GATA3: variants seen among roughly 807,000 people sequenced by gnomAD.
GATA3 encodes the protein trans-acting T-cell-specific transcription factor GATA-3.
GATA3 carries 6 observed loss-of-function variants against 36.0 expected under a neutral mutation model. That is an observed-to-expected ratio of 0.17 (90% CI 0.09 to 0.33). The LOEUF is 0.33. Among genes scored for constraint, GATA3 ranks in the 10% least tolerant of loss-of-function variants. The pLI, the probability that GATA3 is intolerant of heterozygous loss-of-function variation, is 1.00. For missense variants in GATA3, 514 were observed against 610.1 expected, an observed-to-expected ratio of 0.84 and a Z score of 1.66; for synonymous variants, 326 against 273.0, an observed-to-expected ratio of 1.19 and a Z score of -1.92.
chr10:8,056,376 G>A (rs1832639602), intron 2 of GATA3, among the ~76,000 whole-genome samples: 1 of 152,234 alleles, frequency 6.6e-6, no homozygotes, highest in African/African-American at 2.4e-5. Flanking sequence ...GGGGTGGAGG[G>A]GGCCCTCTGC....
intron 4 of GATA3, among the ~76,000 whole-genome samples, chr10:8,068,757 C>T (rs539335951): frequency 9.9e-5 from 15 of 152,128 alleles, no homozygotes; most frequent in Admixed American, 2.0e-4. Flanking sequence ...CATCTCAAAA[C>T]GAGAAAAAAA....
upstream of GATA3, among the ~76,000 whole-genome samples, chr10:8,050,288 C>A (rs898984963): frequency 1.3e-5 from 2 of 152,200 alleles, no homozygotes; most frequent in Non-Finnish European, 2.9e-5. Context: ...TGGAGACACC[C>A]AATTAAAGGC....
chr10:8,063,188 C>T (rs548770008), intron 3 of GATA3, among the ~76,000 whole-genome samples: 41 of 152,290 alleles, frequency 2.7e-4, no homozygotes, highest in African/African-American at 9.6e-4. Context: ...TTCCTCTGAT[C>T]GGCTTCACTC....
rs2131500261 is a variant in GATA3, at chr10:8,063,986, T to C, written c.779-7T>C. The C allele has an allele frequency of 1.2e-6, 2 of 1,614,222 alleles. No individual in the cohort carries two copies. The highest frequency in any genetic ancestry group is 8.5e-7 in the Non-Finnish European group (1 of 1,180,038). On this transcript the variant is annotated splice_region_variant and splice_polypyrimidine_tract_variant and intron_variant, in intron 3 of 5. Transcript: ENST00000379328. ...CCTAAGTGGCTTATCTGTGCTTTTGTTTCCAGAAGGCAGGGAGTGTGTGAA... is the reference window on the plus strand; with the variant it reads ...CCTAAGTGGCTTATCTGTGCTTTTGCTTCCAGAAGGCAGGGAGTGTGTGAA...
intron 1 of GATA3, among the ~76,000 whole-genome samples, chr10:8,047,109 A>C (rs1394794364): frequency 1.3e-5 from 2 of 152,228 alleles, no homozygotes; most frequent in Non-Finnish European, 2.9e-5. Context: ...AGGTGGGGAC[A>C]GTCAGGGGCG....
At chr10:8,067,340 T>C (rs1160479073) in intron 4 of GATA3, among the ~76,000 whole-genome samples, 1 of 152,134 alleles carries the variant, frequency 6.6e-6, no homozygotes, top group African/African-American at 2.4e-5. Context: ...AAGAATTTTT[T>C]TAAAAAGGTC....
intron 5 of GATA3, 49 bp downstream of exon 5, chr10:8,069,647 C>T (rs1433836967): frequency 3.1e-6 from 5 of 1,609,498 alleles, no homozygotes. Flanking sequence ...CTGATGGTGA[C>T]CAGCAAACAG....
Position 8,058,631 on chromosome 10 carries a change from C to T in GATA3, c.568C>T (p.Leu190=), listed in dbSNP as rs778331735. 3.7e-6 allele frequency: 6 copies of T among 1,612,820 alleles called. No homozygotes were observed. Among genetic ancestry groups the T allele is most frequent in the Middle Eastern group, 3.3e-4 (2 of 6,060 alleles). Residue 190 remains leucine (L), a synonymous_variant, in exon 3 of 6, where the codon CTG becomes TTG. Coordinates refer to ENST00000379328, the MANE Select transcript of GATA3 (RefSeq NM_001002295.2). ...AGAGTGCCTCAAGTACCAGGTGCCC[C>T]TGCCCGACAGCATGAAGCTGGAGTC... The part of the protein sequence containing the change: ...EKECLKYQVP[L]PDSMKLESSH...
intron 4 of GATA3, among the ~76,000 whole-genome samples, chr10:8,065,853 C>A (rs571557318): frequency 3.1e-4 from 24 of 76,740 alleles, no homozygotes; most frequent in South Asian, 1.0e-3. Context: ...CGTATCAGAA[C>A]AAGAAGTGTT....
At position 8,056,868 on chromosome 10, in the gene GATA3, A is replaced by C. The variant is rs1832648469; in HGVS notation, c.241+972A>C. Among the ~76,000 whole-genome samples the C allele has an allele frequency of 2.6e-5, 4 of 152,218 alleles. No homozygotes were observed. The South Asian group carries it at 8.3e-4, about 32-fold the overall frequency. ...ACTTTCCAGCTCTAAGTTTGTTCCT[A>C]AAGAAGAAACAGGGGTAAAACATCG... On this transcript the variant is annotated intron_variant, in intron 2 of 5. Transcript: ENST00000379328.
chr10:8,069,330 C>G, intron 4 of GATA3, 143 bp from the exon 5 acceptor site: 1 of 862,396 alleles, frequency 1.2e-6, no homozygotes, highest in African/African-American at 1.7e-5. Flanking sequence ...ATCTGTATTA[C>G]TTTCATGTGG....
chr10:8,062,743 C>T (rs1456436465), intron 3 of GATA3, among the ~76,000 whole-genome samples: 1 of 152,148 alleles, frequency 6.6e-6, no homozygotes, highest in African/African-American at 2.4e-5. Flanking sequence ...CTCCGGGGTC[C>T]TCCTCTGGGC....
intron 1 of GATA3, among the ~76,000 whole-genome samples, chr10:8,048,336 G>A (rs1050910194): frequency 1.3e-5 from 2 of 152,206 alleles, no homozygotes; most frequent in African/African-American, 4.8e-5. Context: ...CACCTCACCC[G>A]GCAATGCTAA....
At chr10:8,067,754 C>T (rs911181611) in intron 4 of GATA3, among the ~76,000 whole-genome samples, 1 of 152,134 alleles carries the variant, frequency 6.6e-6, no homozygotes, top group Non-Finnish European at 1.5e-5. Flanking sequence ...GGAGGCGGAG[C>T]TTGCAGTGAG....
chr10:8,069,648 C>A (rs2131512682), intron 5 of GATA3, 50 bp downstream of exon 5: 1 of 1,606,318 alleles, frequency 6.2e-7, no homozygotes, highest in South Asian at 1.1e-5. Context: ...TGATGGTGAC[C>A]AGCAAACAGC....
At chr10:8,058,177 G>C in intron 2 of GATA3, 128 bp from the exon 3 acceptor site, 1 of 1,013,696 alleles carries the variant, frequency 9.9e-7, no homozygotes, top group Non-Finnish European at 1.5e-6. Flanking sequence ...GAGAGAGTGG[G>C]CCTGAGCCCG....
At chr10:8,061,089 C>CTCTCTCTCTCTT (rs754738004) in intron 3 of GATA3, among the ~76,000 whole-genome samples, 12,345 of 145,516 alleles carry the variant, frequency 0.085, 1,023 homozygotes, top group East Asian at 0.32. Context: ...CTCTCTCTCT[C>CTCTCTCTCTCTT]TTTTTTACCC....
chr10:8,050,806 A>G (rs920271888), upstream of GATA3: 11 of 393,576 alleles, frequency 2.8e-5, no homozygotes, highest in African/African-American at 2.2e-4. Context: ...AACACGCTCA[A>G]ATGACCGCCC....
chr10:8,063,885 A>G, intron 3 of GATA3, 108 bp from the exon 4 acceptor site: 1 of 1,484,214 alleles, frequency 6.7e-7, no homozygotes, highest in South Asian at 1.1e-5. Context: ...AAGAGGAGGG[A>G]GAAGGAAAAA....
Sources: gnomAD v4.1 joint callset for allele counts (sites outside exome capture counted in the v4.1 genomes callset) on GRCh38, gnomAD v4.1.1 for gene constraint, MANE v1.5 for transcripts, NCBI Gene and HGNC (gene_info 2026-07-23, HGNC 2026-07-21) for gene names.